The following RBPJ variants were observed in gnomAD, a reference collection of about 807,000 sequenced individuals.
The protein encoded by RBPJ is recombination signal binding protein for immunoglobulin kappa J region, also known as recombining binding protein suppressor of hairless.
RBPJ carries 9 observed loss-of-function variants against 67.8 expected under a neutral mutation model. That is an observed-to-expected ratio of 0.13 (90% CI 0.08 to 0.23). The LOEUF (loss-of-function observed/expected upper bound fraction) is 0.23, where lower values mean the gene tolerates loss of function less well. Ranked by LOEUF, RBPJ falls within the 10% of genes least tolerant of loss-of-function variation. The pLI is 1.00. For missense variants in RBPJ, 305 were observed against 595.6 expected, an observed-to-expected ratio of 0.51 and a Z score of 5.08; for synonymous variants, 198 against 203.3, an observed-to-expected ratio of 0.97 and a Z score of 0.22.
chr4:26,401,963 A>G (rs1435032580), intron 2 of RBPJ, among the ~76,000 whole-genome samples: 2 of 144,432 alleles, frequency 1.4e-5, no homozygotes, highest in Non-Finnish European at 3.0e-5. Flanking sequence ...ATCTTGGCTG[A>G]CTGCAACCTC....
chr4:26,229,208 A>G (rs575923921), intron 1 of RBPJ, among the ~76,000 whole-genome samples: 12 of 152,318 alleles, frequency 7.9e-5, no homozygotes, highest in African/African-American at 2.6e-4. Context: ...GATTTTCCTA[A>G]ATGTGGTGGA....
At chr4:26,121,035 A>C in the RBPJ span, among the ~76,000 whole-genome samples, 1 of 151,996 alleles carries the variant, frequency 6.6e-6, no homozygotes, top group Non-Finnish European at 1.5e-5. Flanking sequence ...GGAGAAGCAG[A>C]GGGAGAGGGA....
At chr4:26,199,261 T>C (rs1398217821) in intron 1 of RBPJ, among the ~76,000 whole-genome samples, 1 of 152,092 alleles carries the variant, frequency 6.6e-6, no homozygotes, top group East Asian at 1.9e-4. Context: ...CTGGCCAACA[T>C]GGTGAAACCC....
intron 1 of RBPJ, among the ~76,000 whole-genome samples, chr4:26,334,700 C>T (rs1462507226): frequency 3.9e-5 from 6 of 152,154 alleles, no homozygotes; most frequent in Non-Finnish European, 8.8e-5. Context: ...TCACCCCAGG[C>T]CATCAGTAAA....
upstream of RBPJ, among the ~76,000 whole-genome samples, chr4:26,162,579 A>C (rs192030589): frequency 6.6e-6 from 1 of 152,346 alleles, no homozygotes; most frequent in East Asian, 1.9e-4. Context: ...TTTAATCTTC[A>C]CAAGAATCCT....
chr4:26,244,449 A>ACG (rs1258233619), intron 1 of RBPJ, among the ~76,000 whole-genome samples: 53 of 79,898 alleles, frequency 6.6e-4, no homozygotes, highest in Non-Finnish European at 1.1e-3. Flanking sequence ...ATGTGTGTAT[A>ACG]CATATATGTG....
chr4:26,305,771 CTTTTT>C (rs71276617), intron 1 of RBPJ, among the ~76,000 whole-genome samples: 4 of 67,770 alleles, frequency 5.9e-5, no homozygotes, highest in East Asian at 6.1e-4. Context: ...ATTTTCTTTT[CTTTTT>C]TTTTTTTTTT....
At chr4:26,400,758 T>C (rs749113921) in intron 2 of RBPJ, among the ~76,000 whole-genome samples, 2 of 152,226 alleles carry the variant, frequency 1.3e-5, no homozygotes, top group African/African-American at 2.4e-5. Context: ...ATTCTAAACA[T>C]GAAGGAAAAG....
chr4:26,351,373 G>C (rs1323493388), intron 1 of RBPJ, among the ~76,000 whole-genome samples: 1 of 151,650 alleles, frequency 6.6e-6, no homozygotes, highest in Non-Finnish European at 1.5e-5. Flanking sequence ...CATCACTTGA[G>C]AGAATTTTTC....
intron 1 of RBPJ, among the ~76,000 whole-genome samples, chr4:26,279,367 G>A (rs113684251): frequency 0.039 from 5,994 of 152,052 alleles, 390 homozygotes; most frequent in African/African-American, 0.13. Flanking sequence ...TGCAACCTCC[G>A]CCTCCCAGGT....
intron 1 of RBPJ, among the ~76,000 whole-genome samples, chr4:26,355,097 C>T (rs1305387781): frequency 6.6e-6 from 1 of 152,048 alleles, no homozygotes; most frequent in Non-Finnish European, 1.5e-5. Flanking sequence ...GGGTAGAGGG[C>T]AGTGGTGAGA....
At chr4:26,230,058 C>T (rs866783227) in intron 1 of RBPJ, among the ~76,000 whole-genome samples, 1 of 151,928 alleles carries the variant, frequency 6.6e-6, no homozygotes, top group Non-Finnish European at 1.5e-5. Flanking sequence ...AGCATGGTGG[C>T]GTGCACCTAT....
intron 1 of RBPJ, among the ~76,000 whole-genome samples, chr4:26,358,020 C>CATGTGT (rs139807170): frequency 6.9e-6 from 1 of 145,022 alleles, no homozygotes; most frequent in South Asian, 2.3e-4. Context: ...AGGGGGTATT[C>CATGTGT]GTGTGTGTGT....
chr4:26,395,482 A>G (rs776650948), intron 2 of RBPJ, among the ~76,000 whole-genome samples: 9 of 152,222 alleles, frequency 5.9e-5, no homozygotes, highest in East Asian at 3.9e-4. Flanking sequence ...CTTTATATCT[A>G]TTGTCCACGT....
intron 1 of RBPJ, among the ~76,000 whole-genome samples, chr4:26,330,094 G>A (rs552498588): frequency 1.3e-5 from 2 of 152,326 alleles, no homozygotes; most frequent in East Asian, 3.9e-4. Context: ...AAAGTTCTGA[G>A]TAAGGTGAAC....
chr4:26,146,059 C>G, the RBPJ span, among the ~76,000 whole-genome samples: 1 of 152,174 alleles, frequency 6.6e-6, no homozygotes, highest in Non-Finnish European at 1.5e-5. Context: ...ACCTCAGCCT[C>G]CTCAGTAACT....
intron 1 of RBPJ, among the ~76,000 whole-genome samples, chr4:26,210,735 A>ACTTCTTTCCTTCTTTC (rs1262418473): frequency 4.1e-5 from 2 of 49,006 alleles, no homozygotes; most frequent in African/African-American, 1.6e-4. Context: ...TTCCTTCTTT[A>ACTTCTTTCCTTCTTTC]CTTCTTTCCT....
At position 26,433,244 on chromosome 4, in the gene RBPJ, C is replaced by T. The variant is rs558662468; in HGVS notation, c.*2237C>T. 1.3e-5 allele frequency: 2 copies of T among 152,192 alleles called. No individual in the cohort carries two copies. The highest frequency in any genetic ancestry group is 2.9e-5 in the Non-Finnish European group (2 of 68,030). 9.4% of individuals were successfully genotyped at this position (152,192 alleles called of 1,614,324 possible). A position where few individuals can be genotyped will look rare whatever the true frequency, so the allele number is the denominator to read the frequency against. ...TTGTTCACTGTCTCTTTCTTACAGA[C>T]CACTTATTTCTGAGTAGTAGTTATT... On this transcript the variant is annotated 3_prime_UTR_variant, in exon 11 of 11. Transcript: ENST00000355476.
chr4:26,112,748 G>A, the RBPJ span: 2 of 145,324 alleles, frequency 1.4e-5, no homozygotes, highest in African/African-American at 2.6e-5. Flanking sequence ...TTCTTATAAG[G>A]GAGAATCTTT....
Sources: allele counts gnomAD v4.1 joint callset (sites outside exome capture counted in the v4.1 genomes callset), GRCh38; gene constraint gnomAD v4.1.1; transcripts MANE v1.5; gene names NCBI Gene and HGNC (gene_info 2026-07-23, HGNC 2026-07-21).